KIF2A: variants seen among roughly 807,000 people sequenced by gnomAD.
KIF2A encodes kinesin-like protein KIF2A.
In KIF2A, 22 loss-of-function variants were observed where a neutral mutation model predicts 100.2. The ratio of observed to expected loss-of-function variants is 0.22; its 90% CI spans 0.16 to 0.31. The LOEUF is 0.31. Ranked by LOEUF, KIF2A falls within the 10% of genes least tolerant of loss-of-function variation. KIF2A has a pLI of 1.00. For missense variants in KIF2A, 495 were observed against 898.7 expected (o/e 0.55, Z 5.74); for synonymous variants, 268 against 285.9 (o/e 0.94, Z 0.63).
chr5:62,331,451 G>A (rs991216071), intron 1 of KIF2A, among the ~76,000 whole-genome samples: 15 of 151,704 alleles, frequency 9.9e-5, no homozygotes, highest in African/African-American at 3.2e-4. Flanking sequence ...TTGCAGGCAC[G>A]GTGGCATATG....
intron 3 of KIF2A, among the ~76,000 whole-genome samples, chr5:62,349,674 TA>T (rs1747748295): frequency 6.6e-6 from 1 of 152,222 alleles, no homozygotes; most frequent in Non-Finnish European, 1.5e-5. Context: ...TGTCTAGAAC[TA>T]ATATTTTATA....
chr5:62,334,543 TCTC>T (rs1746833711), intron 1 of KIF2A, among the ~76,000 whole-genome samples: 1 of 130,922 alleles, frequency 7.6e-6, no homozygotes, highest in Non-Finnish European at 1.6e-5. Context: ...TCCTCTTCCT[TCTC>T]CTACTCCTCC....
chr5:62,350,370 C>G (rs534077839), intron 4 of KIF2A, among the ~76,000 whole-genome samples: 2 of 152,070 alleles, frequency 1.3e-5, no homozygotes, highest in South Asian at 2.1e-4. Context: ...CTTGACCTCC[C>G]AGGGTCAGAT....
At chr5:62,334,953 T>C (rs1293076216) in intron 1 of KIF2A, among the ~76,000 whole-genome samples, 1 of 152,194 alleles carries the variant, frequency 6.6e-6, no homozygotes. Context: ...GACTTCAGCC[T>C]GGGGAACTGG....
chr5:62,371,060 A>G (rs1741302301), intron 16 of KIF2A, among the ~76,000 whole-genome samples: 1 of 152,108 alleles, frequency 6.6e-6, no homozygotes, highest in African/African-American at 2.4e-5. Flanking sequence ...TGAGTCCAGG[A>G]GTTTGAGACC....
At chr5:62,351,489 A>G (rs754135182) in intron 4 of KIF2A, among the ~76,000 whole-genome samples, 8 of 151,998 alleles carry the variant, frequency 5.3e-5, no homozygotes, top group African/African-American at 9.7e-5. Flanking sequence ...AGCATAATGA[A>G]TTTATTTTCT....
chr5:62,383,303 A>G (rs1409453624), intron 20 of KIF2A, among the ~76,000 whole-genome samples: 11 of 112,926 alleles, frequency 9.7e-5, no homozygotes, highest in African/African-American at 3.9e-4. Flanking sequence ...AGTGCAGTGG[A>G]GCGATCTTGG....
intron 8 of KIF2A, 61 bp downstream of exon 8, chr5:62,357,806 A>G (rs1748191222): frequency 3.0e-6 from 3 of 992,182 alleles, no homozygotes; most frequent in Non-Finnish European, 4.6e-6. Context: ...ATGTATTTTT[A>G]TAATAGCAAA....
intron 4 of KIF2A, among the ~76,000 whole-genome samples, chr5:62,352,027 G>A (rs918969744): frequency 4.6e-5 from 7 of 151,802 alleles, no homozygotes; most frequent in Non-Finnish European, 8.8e-5. Flanking sequence ...AGTGGCGTGC[G>A]CCTGTAGTCT....
At chr5:62,365,054 C>T (rs1382363992) in intron 14 of KIF2A, among the ~76,000 whole-genome samples, 189 bp from the exon 15 acceptor site, 1 of 152,120 alleles carries the variant, frequency 6.6e-6, no homozygotes, top group African/African-American at 2.4e-5. Flanking sequence ...GATTGCGCCA[C>T]CACACCCCAG....
chr5:62,306,661 C>T (rs1745295661), intron 1 of KIF2A, 125 bp downstream of exon 1: 2 of 769,404 alleles, frequency 2.6e-6, no homozygotes, highest in South Asian at 1.8e-5. Flanking sequence ...AGGCGGCGGC[C>T]GCGGCGCTTT....
chr5:62,319,441 C>T (rs2111801270), intron 1 of KIF2A, among the ~76,000 whole-genome samples: 1 of 152,340 alleles, frequency 6.6e-6, no homozygotes, highest in East Asian at 1.9e-4. Context: ...GAACACTCCA[C>T]TTCTAACTAA....
chr5:62,314,535 TG>T (rs926941573), intron 1 of KIF2A, among the ~76,000 whole-genome samples: 12 of 152,130 alleles, frequency 7.9e-5, no homozygotes, highest in African/African-American at 2.9e-4. Context: ...GGTGGTTATG[TG>T]TAATTTGGAT....
At chr5:62,323,047 G>A (rs1055157693) in intron 1 of KIF2A, among the ~76,000 whole-genome samples, 6 of 151,024 alleles carry the variant, frequency 4.0e-5, no homozygotes, top group African/African-American at 1.2e-4. Flanking sequence ...ACATGAGGTC[G>A]GGAGTTCAAG....
At chr5:62,380,282 T>A (rs1162824960) in intron 19 of KIF2A, among the ~76,000 whole-genome samples, 1 of 152,192 alleles carries the variant, frequency 6.6e-6, no homozygotes, top group African/African-American at 2.4e-5. Context: ...ATAGCCCCCA[T>A]CAAAGTGCTC....
chr5:62,371,123 C>T (rs988061690), intron 16 of KIF2A, among the ~76,000 whole-genome samples: 1 of 151,788 alleles, frequency 6.6e-6, no homozygotes, highest in Non-Finnish European at 1.5e-5. Context: ...AAAAATTAGC[C>T]GGGGGTGGTG....
chr5:62,359,208 C>T (rs905338835), intron 9 of KIF2A, among the ~76,000 whole-genome samples: 2 of 152,042 alleles, frequency 1.3e-5, no homozygotes, highest in Non-Finnish European at 1.5e-5. Context: ...GATTTTCATA[C>T]GTAAGTTTGC....
intron 11 of KIF2A, chr5:62,362,236 TATAA>T (rs1350008031): frequency 5.6e-6 from 1 of 179,712 alleles, no homozygotes; most frequent in African/African-American, 2.4e-5. Context: ...TATTAATATA[TATAA>T]ATAAAAGTAG....
chr5:62,388,976 T>C lies in KIF2A; in HGVS notation c.*3407T>C. 3 of 1,585,444 alleles carry C rather than the reference T, an allele frequency of 1.9e-6. No individual in the cohort carries two copies. The highest frequency in any genetic ancestry group is 2.6e-6 in the Non-Finnish European group (3 of 1,159,114). On this transcript the variant is annotated 3_prime_UTR_variant, in exon 21 of 21. Coordinates refer to ENST00000407818, the MANE Select transcript of KIF2A (RefSeq NM_001098511.3). Reference sequence around the variant, plus strand: ...ACAAAAAATACAAAATTCATTTCTTTTCTTGACCTTGAAAATTTCTGTTTT... The same window carrying C: ...ACAAAAAATACAAAATTCATTTCTTCTCTTGACCTTGAAAATTTCTGTTTT...
Sources: gnomAD v4.1 joint callset for allele counts (sites outside exome capture counted in the v4.1 genomes callset) on GRCh38, gnomAD v4.1.1 for gene constraint, MANE v1.5 for transcripts, NCBI Gene and HGNC (gene_info 2026-07-23, HGNC 2026-07-21) for gene names.